PLCL1: variants seen among roughly 807,000 people sequenced by gnomAD.
PLCL1 encodes inactive phospholipase C-like protein 1.
A neutral mutation model predicts 84.4 loss-of-function variants in PLCL1; 41 were observed. That is an observed-to-expected ratio of 0.49 (90% CI 0.38 to 0.63). The LOEUF is 0.63. Ranked by LOEUF, PLCL1 falls within the 30% of genes least tolerant of loss-of-function variation. The pLI, the probability that PLCL1 is intolerant of heterozygous loss-of-function variation, is 0.00. For synonymous variants in PLCL1, 490 were observed against 488.3 expected, an observed-to-expected ratio of 1.00 and a Z score of -0.05; for missense variants, 1,206 against 1,367.8, an observed-to-expected ratio of 0.88 and a Z score of 1.87.
At chr2:198,010,646 A>C (rs931946285) in intron 1 of PLCL1, among the ~76,000 whole-genome samples, 1 of 151,846 alleles carries the variant, frequency 6.6e-6, no homozygotes, top group Admixed American at 6.6e-5. Flanking sequence ...TTTTGGTATT[A>C]GGATAATGCT....
At chr2:197,813,341 A>C (rs1278229609) in intron 1 of PLCL1, among the ~76,000 whole-genome samples, 1 of 152,126 alleles carries the variant, frequency 6.6e-6, no homozygotes, top group African/African-American at 2.4e-5. Context: ...ATTGATGGTG[A>C]CTAATGTTTG....
chr2:197,921,307 A>G (rs1360694951), intron 1 of PLCL1, among the ~76,000 whole-genome samples: 2 of 152,202 alleles, frequency 1.3e-5, no homozygotes, highest in South Asian at 2.1e-4. Flanking sequence ...ACCAGCATCT[A>G]TCAGTTGCTG....
chr2:198,015,438 A>G (rs557595082), intron 1 of PLCL1, among the ~76,000 whole-genome samples: 2 of 152,304 alleles, frequency 1.3e-5, no homozygotes, highest in African/African-American at 4.8e-5. Context: ...AAAAATCAGA[A>G]AGCAAAAGTT....
intron 1 of PLCL1, among the ~76,000 whole-genome samples, chr2:197,836,655 A>G (rs929455032): frequency 3.3e-5 from 5 of 152,190 alleles, no homozygotes; most frequent in African/African-American, 1.2e-4. Context: ...ATGCAAATTA[A>G]TGAAATTCCT....
At chr2:197,995,956 G>T (rs542787600) in intron 1 of PLCL1, among the ~76,000 whole-genome samples, 24 of 152,296 alleles carry the variant, frequency 1.6e-4, no homozygotes, top group African/African-American at 5.5e-4. Flanking sequence ...AATGTGATTT[G>T]GGGGAGAAAC....
intron 1 of PLCL1, among the ~76,000 whole-genome samples, chr2:198,029,486 A>G (rs748240722): frequency 6.6e-6 from 1 of 152,070 alleles, no homozygotes; most frequent in Non-Finnish European, 1.5e-5. Flanking sequence ...ACTTTTGTGT[A>G]TTGTTATCTC....
chr2:198,065,417 T>C (rs1360287190), intron 1 of PLCL1, among the ~76,000 whole-genome samples: 1 of 152,202 alleles, frequency 6.6e-6, no homozygotes, highest in African/African-American at 2.4e-5. Flanking sequence ...TTCAATGAAA[T>C]GACATGCACA....
In PLCL1 at chr2:198,074,653, A is replaced by G. The variant is rs192340400; in HGVS notation, c.241-9105A>G. 4.6e-5 allele frequency among the ~76,000 whole-genome samples: 7 copies of G among 152,276 alleles called. No individual in the cohort carries two copies. The East Asian group carries it at 1.2e-3, about 25-fold the overall frequency. The stretch of plus-strand genomic sequence containing the variant: ...GACTCCGTCTCAAAAACAAACAACA[A>G]ACAAACAAAAAAACCCCTGAAAAGT... On this transcript the variant is annotated intron_variant, in intron 1 of 5. Transcript: ENST00000428675.
intron 1 of PLCL1, among the ~76,000 whole-genome samples, chr2:197,944,564 C>T (rs1043857862): frequency 6.6e-6 from 1 of 152,180 alleles, no homozygotes; most frequent in African/African-American, 2.4e-5. Context: ...GTAGCATGTG[C>T]AGTTTGTGTT....
In PLCL1 at chr2:197,805,382, T is replaced by C; in HGVS notation, c.240+43T>C. On this transcript the variant is annotated intron_variant, in intron 1 of 5. Coordinates refer to ENST00000428675, the MANE Select transcript of PLCL1 (RefSeq NM_006226.4). The surrounding 1 kb of genome is among the most constrained non-coding windows in gnomAD (Gnocchi z 4.0). The stretch of plus-strand genomic sequence containing the variant: ...GCACCGGGAGCGTGGCTGTGGGTGA[T>C]GGGTGGGTCAGGGACCCGGGCAGGA... The C allele has an allele frequency of 7.5e-7, 1 of 1,327,102 alleles. No homozygotes were observed. Among genetic ancestry groups the C allele is most frequent in the Admixed American group, 3.8e-5 (1 of 26,410 alleles). The allele number at this position is 1,327,102 out of a possible 1,614,324, so 82.2% of individuals were successfully genotyped here.
At chr2:197,906,006 A>G (rs993592009) in intron 1 of PLCL1, among the ~76,000 whole-genome samples, 6 of 151,982 alleles carry the variant, frequency 3.9e-5, no homozygotes, top group African/African-American at 1.5e-4. Context: ...TTTTCTCCCA[A>G]TCTGTAGGTA....
intron 1 of PLCL1, among the ~76,000 whole-genome samples, chr2:197,852,711 C>A (rs1419418635): frequency 6.6e-6 from 1 of 152,026 alleles, no homozygotes; most frequent in East Asian, 1.9e-4. Context: ...TGGCCAAGGT[C>A]CCTTCTTTAA....
intron 1 of PLCL1, among the ~76,000 whole-genome samples, chr2:198,058,181 T>G (rs1692110960): frequency 6.6e-6 from 1 of 152,196 alleles, no homozygotes; most frequent in Non-Finnish European, 1.5e-5. Flanking sequence ...TGCCAAAATA[T>G]TAATAGTGAT....
chr2:197,977,084 G>A (rs1689998111), intron 1 of PLCL1, among the ~76,000 whole-genome samples: 1 of 152,068 alleles, frequency 6.6e-6, no homozygotes, highest in Non-Finnish European at 1.5e-5. Flanking sequence ...TCCAATTCTA[G>A]GTATCACCAT....
At chr2:197,996,442 T>C (rs1690466700) in intron 1 of PLCL1, among the ~76,000 whole-genome samples, 1 of 152,168 alleles carries the variant, frequency 6.6e-6, no homozygotes, top group Non-Finnish European at 1.5e-5. Flanking sequence ...AACTTTGGAA[T>C]TTAGTTAATA....
chr2:197,918,971 T>TCTCACACACA (rs373512508), intron 1 of PLCL1, among the ~76,000 whole-genome samples: 6 of 144,654 alleles, frequency 4.1e-5, no homozygotes, highest in South Asian at 4.5e-4. Context: ...TCTCTCTCCC[T>TCTCACACACA]CACACACACA....
At chr2:197,843,142 G>T (rs1369280509) in intron 1 of PLCL1, among the ~76,000 whole-genome samples, 1 of 152,100 alleles carries the variant, frequency 6.6e-6, no homozygotes, top group Non-Finnish European at 1.5e-5. Context: ...TCTGCTCATT[G>T]TGGCAATGAG....
rs536062914 is a variant in PLCL1 at position 197,989,601 on chromosome 2, G to C, written c.241-94157G>C. Among the ~76,000 whole-genome samples the C allele has an allele frequency of 1.1e-4, 16 of 152,240 alleles. No individual in the cohort carries two copies. The South Asian group carries it at 3.3e-3, about 32-fold the overall frequency. On this transcript the variant is annotated intron_variant, in intron 1 of 5. Coordinates refer to ENST00000428675, the MANE Select transcript of PLCL1 (RefSeq NM_006226.4). ...TTAAAAGTGTTTTGGTTACTCTGGA[G>C]GCTGAGGCATGAGAATCATCTGAAC...
At chr2:198,088,833 T>G in intron 2 of PLCL1, 25 bp from the exon 3 acceptor site, 1 of 1,436,826 alleles carries the variant, frequency 7.0e-7, no homozygotes, top group South Asian at 1.1e-5. Context: ...GTCAGAAGTG[T>G]GATTCCATGT....
Sources: gnomAD v4.1 joint callset for allele counts (sites outside exome capture counted in the v4.1 genomes callset) on GRCh38, gnomAD v4.1.1 for gene constraint, Gnocchi (gnomAD v3.1) non-coding constraint, MANE v1.5 for transcripts, NCBI Gene and HGNC (gene_info 2026-07-23, HGNC 2026-07-21) for gene names.